Variants in ENTPD6 observed in about 807,000 individuals in gnomAD.
ENTPD6 encodes the protein CD39 antigen-like 2.
A neutral mutation model predicts 61.5 loss-of-function variants in ENTPD6; 46 were observed. The ratio of observed to expected loss-of-function variants is 0.75; its 90% CI spans 0.59 to 0.96. ENTPD6 has a LOEUF of 0.96. ENTPD6 is among the 40% of genes least tolerant of loss of function. The pLI, the probability that ENTPD6 is intolerant of heterozygous loss-of-function variation, is 0.00. For missense variants in ENTPD6, 612 were observed against 629.0 expected, an observed-to-expected ratio of 0.97 and a Z score of 0.29; for synonymous variants, 252 against 255.5, an observed-to-expected ratio of 0.99 and a Z score of 0.13.
chr20:25,224,975 C>T (rs1315639320), intron 13 of ENTPD6: 1 of 602,744 alleles, frequency 1.7e-6, no homozygotes, highest in African/African-American at 1.9e-5. Flanking sequence ...ATGACCCTAA[C>T]ACCAGGCGTG....
At chr20:25,211,485 G>T (rs1194052383) in intron 4 of ENTPD6, among the ~76,000 whole-genome samples, 1 of 152,228 alleles carries the variant, frequency 6.6e-6, no homozygotes, top group East Asian at 1.9e-4. Context: ...ATCCTTTGAG[G>T]CTGGTTGATG....
rs963683114 is a variant in ENTPD6, at chr20:25,207,240, C to G, written c.219C>G (p.Ser73Arg). ...HRATATQAFF[S>R]ITRAAPGARW... ...CCACCGCCACCCAGGCCTTCTTCAGCATCACCAGGGCAGCCCCGGGGGCCC... is the reference window on the plus strand; with the variant it reads ...CCACCGCCACCCAGGCCTTCTTCAGGATCACCAGGGCAGCCCCGGGGGCCC... Residue 73 changes from serine (S) to arginine (R), a missense_variant, in exon 3 of 15, where the codon AGC becomes AGG. Physicochemically the swap from Ser to Arg is moderately radical, Grantham distance 110 (BLOSUM62 -1). Coordinates refer to ENST00000376652, the MANE Select transcript of ENTPD6 (RefSeq NM_001247.5). 10 of 1,614,008 alleles carry G rather than the reference C, an allele frequency of 6.2e-6. 1 individual carries two copies. The Admixed American group carries it at 1.7e-4, about 27-fold the overall frequency.
intron 1 of ENTPD6, among the ~76,000 whole-genome samples, chr20:25,204,288 T>C (rs1471811309): frequency 6.6e-6 from 1 of 152,186 alleles, no homozygotes; most frequent in Non-Finnish European, 1.5e-5. Flanking sequence ...GAATAACCAA[T>C]TTTTCATTGC....
intron 13 of ENTPD6, 88 bp downstream of exon 13, chr20:25,224,245 T>C: frequency 1.3e-5 from 16 of 1,213,480 alleles, no homozygotes; most frequent in Non-Finnish European, 1.9e-5. Context: ...CTCCTGGGTG[T>C]AGCCCCTCCT....
Position 25,207,066 on chromosome 20 carries a change from T to C in ENTPD6, c.55-10T>C, listed in dbSNP as rs368089294. ...ACGTGCTTTTCCTGCCTCTCCCCCC[T>C]TCCCACCAGCAGCCGCAGCACGGTC... On this transcript the variant is annotated splice_polypyrimidine_tract_variant and intron_variant, in intron 2 of 14. Transcript: ENST00000376652. 97 of 1,592,952 alleles carry C rather than the reference T, an allele frequency of 6.1e-5. No homozygotes were observed. The highest frequency in any genetic ancestry group is 1.7e-4 in the Middle Eastern group (1 of 5,988).
chr20:25,215,830 G>A, intron 7 of ENTPD6, 119 bp downstream of exon 7: 2 of 1,108,032 alleles, frequency 1.8e-6, no homozygotes, highest in East Asian at 2.4e-5. Flanking sequence ...TCAGGGTTTG[G>A]CAGTGTTGCT....
chr20:25,196,201 C>A (rs2090384084), intron 1 of ENTPD6: 1 of 1,188,556 alleles, frequency 8.4e-7, no homozygotes, highest in Non-Finnish European at 1.0e-6. Context: ...ACAGACCCCT[C>A]CGCCCTGGAT....
intron 1 of ENTPD6, among the ~76,000 whole-genome samples, chr20:25,198,169 T>A (rs1568595976): frequency 6.6e-6 from 1 of 152,124 alleles, no homozygotes; most frequent in Non-Finnish European, 1.5e-5. Context: ...TAGACTAACA[T>A]AGGACATGAT....
intron 3 of ENTPD6, among the ~76,000 whole-genome samples, chr20:25,209,114 A>AT (rs750843229): frequency 0.22 from 19,589 of 87,538 alleles, 1,608 homozygotes; most frequent in East Asian, 0.53. Context: ...ATTTTTATTT[A>AT]ATTTTTTTTT....
At chr20:25,201,554 CTT>C (rs2091033422) in intron 1 of ENTPD6, among the ~76,000 whole-genome samples, 2 of 152,274 alleles carry the variant, frequency 1.3e-5, no homozygotes, top group African/African-American at 4.8e-5. Context: ...CTTAAAGTCT[CTT>C]TTGTCTGATA....
intron 1 of ENTPD6, among the ~76,000 whole-genome samples, chr20:25,206,067 C>G (rs997908051): frequency 6.6e-6 from 1 of 152,272 alleles, no homozygotes; most frequent in Non-Finnish European, 1.5e-5. Context: ...TTCCCTGCAG[C>G]CTGTTCTGAG....
At chr20:25,224,378 T>G in intron 13 of ENTPD6, 1 of 438,106 alleles carries the variant, frequency 2.3e-6, no homozygotes, top group Non-Finnish European at 4.1e-6. Flanking sequence ...GCCATTTTAC[T>G]GCTACTAGGG....
rs528202706 is a variant in ENTPD6 at position 25,207,203 on chromosome 20, A to G, written c.182A>G (p.Lys61Arg). The G allele has an allele frequency of 1.2e-6, 2 of 1,614,094 alleles. No homozygotes were observed. Among genetic ancestry groups the G allele is most frequent in the African/African-American group, 1.3e-5 (1 of 75,036 alleles). Residue 61 changes from lysine to arginine, a missense_variant, in exon 3 of 15, where the codon AAG (lysine) becomes AGG (arginine). By Grantham distance (26) the Lys-to-Arg change is conservative. Transcript: ENST00000376652. Reference sequence around the variant, plus strand: ...GTGTTCATCTATGTTGCCTACATCAAGTGGCACCGGGCCACCGCCACCCAG... The same window carrying G: ...GTGTTCATCTATGTTGCCTACATCAGGTGGCACCGGGCCACCGCCACCCAG... ...VGVFIYVAYI[K>R]WHRATATQAF...
chr20:25,213,234 AC>A, intron 4 of ENTPD6, 28 bp from the exon 5 acceptor site: 1 of 1,614,072 alleles, frequency 6.2e-7, no homozygotes, highest in African/African-American at 1.3e-5. Context: ...CACTTGACAG[AC>A]CCTGCTTTGC....
Position 25,222,819 on chromosome 20 carries a change from G to T in ENTPD6, c.1046-19G>T. 2 of 1,612,856 alleles carry T rather than the reference G, an allele frequency of 1.2e-6. No homozygotes were observed. Among genetic ancestry groups the T allele is most frequent in the Non-Finnish European group, 1.7e-6 (2 of 1,179,698 alleles). ...GGTGCTCGGAGCCCACTGACCGCTA[G>T]CCTTGTGCTTGTCCCCAGCGGCAAG... On this transcript the variant is annotated intron_variant, in intron 11 of 14. Transcript: ENST00000376652.
chr20:25,207,956 C>T (rs185503307), intron 3 of ENTPD6, among the ~76,000 whole-genome samples: 152 of 152,312 alleles, frequency 1.0e-3, no homozygotes, highest in African/African-American at 3.3e-3. Flanking sequence ...GGGTCCCCCT[C>T]GCCACCCGGT....
intron 10 of ENTPD6, 123 bp from the exon 11 acceptor site, chr20:25,221,109 C>A: frequency 1.4e-6 from 1 of 693,924 alleles, no homozygotes; most frequent in Non-Finnish European, 2.5e-6. Context: ...TCCCAGTGGA[C>A]CTGGAAGCCA....
chr20:25,212,351 G>A (rs764928800), intron 4 of ENTPD6, among the ~76,000 whole-genome samples: 8 of 152,312 alleles, frequency 5.3e-5, no homozygotes, highest in Admixed American at 6.5e-5. Context: ...AATGTCCAGC[G>A]GAGCTGAGGC....
intron 1 of ENTPD6, among the ~76,000 whole-genome samples, chr20:25,198,305 G>A (rs548116994): frequency 4.6e-5 from 7 of 152,166 alleles, no homozygotes; most frequent in South Asian, 2.1e-4. Context: ...GTGAAATACC[G>A]TCTGTACTAA....
Sources: allele counts gnomAD v4.1 joint callset (sites outside exome capture counted in the v4.1 genomes callset), GRCh38; gene constraint gnomAD v4.1.1; transcripts MANE v1.5; gene names NCBI Gene and HGNC (gene_info 2026-07-23, HGNC 2026-07-21).